Variants in RAF1 observed in about 807,000 individuals in gnomAD.
RAF1 encodes the protein Raf-1 proto-oncogene, serine/threonine kinase, also known as RAF proto-oncogene serine/threonine-protein kinase.
Under a neutral mutation model 81.1 loss-of-function variants are expected in RAF1, and 27 were observed. The ratio of observed to expected loss-of-function variants is 0.33; its 90% CI spans 0.25 to 0.46. The LOEUF (loss-of-function observed/expected upper bound fraction) is 0.46. Among genes scored for constraint, RAF1 ranks in the 20% least tolerant of loss-of-function variants. The pLI, the probability that RAF1 is intolerant of heterozygous loss-of-function variation, is 1.00. For missense variants in RAF1, 598 were observed against 826.0 expected, an observed-to-expected ratio of 0.72 and a Z score of 3.38; for synonymous variants, 298 against 294.0, an observed-to-expected ratio of 1.01 and a Z score of -0.14.
chr3:12,654,957 A>G (rs936836298), intron 1 of RAF1, among the ~76,000 whole-genome samples: 2 of 150,092 alleles, frequency 1.3e-5, no homozygotes, highest in South Asian at 2.2e-4. Context: ...GGGAGGATCA[A>G]TGGAGGCCAG....
chr3:12,657,540 G>A (rs1489269173), intron 1 of RAF1, among the ~76,000 whole-genome samples: 1 of 152,150 alleles, frequency 6.6e-6, no homozygotes, highest in Non-Finnish European at 1.5e-5. Context: ...GGGAGGCCGA[G>A]GTGGGCAGAT....
chr3:12,616,887 A>G (rs749230022), intron 2 of RAF1, among the ~76,000 whole-genome samples: 8 of 152,202 alleles, frequency 5.3e-5, no homozygotes, highest in African/African-American at 1.2e-4. Context: ...TGTTTTGGCC[A>G]GGTGGTTGGT....
intron 1 of RAF1, among the ~76,000 whole-genome samples, chr3:12,657,857 A>C (rs1008787050): frequency 1.3e-5 from 1 of 78,702 alleles, no homozygotes; most frequent in East Asian, 3.3e-4. Context: ...TTTATCACCC[A>C]AAAAAAAAAC....
chr3:12,629,430 A>G (rs976943058), intron 1 of RAF1, among the ~76,000 whole-genome samples: 1 of 152,212 alleles, frequency 6.6e-6, no homozygotes, highest in Non-Finnish European at 1.5e-5. Flanking sequence ...AACAATAATG[A>G]TATTAGCTAA....
chr3:12,593,352 A>G (rs2058580075), intron 11 of RAF1, among the ~76,000 whole-genome samples: 1 of 152,084 alleles, frequency 6.6e-6, no homozygotes, highest in Admixed American at 6.5e-5. Flanking sequence ...GAGTGCTGGG[A>G]TTACAAGCGT....
In RAF1 at chr3:12,612,204, C is replaced by G. The variant is rs2059234386; in HGVS notation, c.208-142G>C. 7.1e-6 allele frequency: 5 copies of G among 702,808 alleles called. 1 individual carries two copies. In the Admixed American group the frequency reaches 1.0e-4, roughly 14 times the overall value. 43.5% of individuals were successfully genotyped at this position (702,808 alleles called of 1,614,324 possible). On this transcript the variant is annotated intron_variant, in intron 2 of 17. Coordinates refer to ENST00000442415, the MANE Select transcript of RAF1 (RefSeq NM_001354689.3). The stretch of plus-strand genomic sequence containing the variant: ...TATACGAAACAACCTGAATGTCCAG[C>G]AATAGGAAAGTACTTGAATGGAGTG...
intron 11 of RAF1, among the ~76,000 whole-genome samples, chr3:12,595,093 G>C (rs980580429): frequency 1.3e-5 from 2 of 152,048 alleles, no homozygotes; most frequent in Non-Finnish European, 2.9e-5. Context: ...CCCCACTCTG[G>C]CTCTTGCTCT....
chr3:12,637,030 G>C (rs1156844582), intron 1 of RAF1, among the ~76,000 whole-genome samples: 1 of 152,106 alleles, frequency 6.6e-6, no homozygotes, highest in Admixed American at 6.6e-5. Context: ...TTGCAGTGAA[G>C]AATGAATAAG....
At chr3:12,614,331 A>T (rs900032740) in intron 2 of RAF1, among the ~76,000 whole-genome samples, 1 of 152,162 alleles carries the variant, frequency 6.6e-6, no homozygotes, top group Non-Finnish European at 1.5e-5. Context: ...ATGAAAACAG[A>T]TTAAGCAGGC....
At chr3:12,639,601 A>G (rs1319179127) in intron 1 of RAF1, among the ~76,000 whole-genome samples, 4 of 152,214 alleles carry the variant, frequency 2.6e-5, no homozygotes, top group African/African-American at 4.8e-5. Context: ...GAGCCAAATC[A>G]TGAGTGAACT....
chr3:12,598,186 T>A (rs943507684), intron 11 of RAF1, among the ~76,000 whole-genome samples: 2 of 151,442 alleles, frequency 1.3e-5, no homozygotes, highest in Non-Finnish European at 2.9e-5. Context: ...ATCTACCTAA[T>A]TTTTGGTAGA....
chr3:12,591,634 T>TC, intron 12 of RAF1, 74 bp downstream of exon 11: 1 of 1,349,276 alleles, frequency 7.4e-7, no homozygotes, highest in Non-Finnish European at 1.1e-6. Context: ...TGCGGCACAG[T>TC]CCACTAACTC....
intron 3 of RAF1, among the ~76,000 whole-genome samples, chr3:12,611,136 C>CA (rs2059194087): frequency 6.6e-6 from 1 of 151,926 alleles, no homozygotes; most frequent in African/African-American, 2.4e-5. Flanking sequence ...ATCTTTGTCT[C>CA]AAAAAAACAC....
chr3:12,585,012 G>A (rs370900574), intron 16 of RAF1, 31 bp from the exon 16 acceptor site: 10 of 1,613,860 alleles, frequency 6.2e-6, no homozygotes, highest in Non-Finnish European at 8.5e-6. Context: ...GAGCTAATGG[G>A]GGGTGAATGA....
Position 12,663,993 on chromosome 3 carries a change from G to C in RAF1, c.-207C>G. 1 of 398,526 alleles carries C rather than the reference G, an allele frequency of 2.5e-6. No homozygotes were observed. The allele number at this position is 398,526 out of a possible 1,614,324, so 24.7% of individuals were successfully genotyped here. On this transcript the variant is annotated 5_prime_UTR_variant, in exon 1 of 18. Coordinates refer to ENST00000442415, the MANE Select transcript of RAF1 (RefSeq NM_001354689.3). ...ACGCGCTCCGCGCCTCAGGGCACGC[G>C]CCCCAAAGCCCGGCCAGCTGACCCT... is the stretch of plus-strand genomic sequence containing the variant.
At chr3:12,585,033 A>G (rs767966447) in intron 16 of RAF1, 52 bp from the exon 16 acceptor site, 9 of 1,614,066 alleles carry the variant, frequency 5.6e-6, no homozygotes, top group Admixed American at 3.3e-5. Flanking sequence ...ACAACAGATA[A>G]TAACAAGTCC....
intron 1 of RAF1, among the ~76,000 whole-genome samples, chr3:12,627,722 TAA>T (rs59007079): frequency 0.21 from 32,079 of 152,158 alleles, 3,619 homozygotes; most frequent in African/African-American, 0.29. Flanking sequence ...ATATTTGCTT[TAA>T]AATCAAGCAA....
intron 1 of RAF1, among the ~76,000 whole-genome samples, chr3:12,643,059 A>C (rs377474159): frequency 3.3e-5 from 5 of 152,272 alleles, no homozygotes; most frequent in African/African-American, 1.2e-4. Flanking sequence ...TTCAAGAAGT[A>C]AGATCCATTA....
At chr3:12,648,064 T>A (rs2060409299) in intron 1 of RAF1, among the ~76,000 whole-genome samples, 1 of 152,240 alleles carries the variant, frequency 6.6e-6, no homozygotes, top group South Asian at 2.1e-4. Flanking sequence ...GCTTAAATTA[T>A]TTTCATTTTA....
Sources: gnomAD v4.1 joint callset for allele counts (sites outside exome capture counted in the v4.1 genomes callset) on GRCh38, gnomAD v4.1.1 for gene constraint, MANE v1.5 for transcripts, NCBI Gene and HGNC (gene_info 2026-07-23, HGNC 2026-07-21) for gene names.